CEP41: variants seen among roughly 807,000 people sequenced by gnomAD.
CEP41 encodes centrosomal protein 41.
CEP41 carries 32 observed loss-of-function variants against 44.3 expected under a neutral mutation model. The ratio of observed to expected loss-of-function variants is 0.72; its 90% CI spans 0.54 to 0.97. CEP41 has a LOEUF of 0.97. CEP41 is among the 50% of genes least tolerant of loss of function. The pLI is 0.00. For missense variants in CEP41, 432 were observed against 455.2 expected (o/e 0.95, Z 0.46); for synonymous variants, 151 against 168.5 (o/e 0.90, Z 0.80).
rs782252260 is a variant in CEP41 at position 130,396,498 on chromosome 7, T to C, written c.*2393A>G. The C allele has an allele frequency of 2.0e-5, 9 of 454,514 alleles. No homozygotes were observed. The highest frequency in any genetic ancestry group is 1.4e-4 in the South Asian group (9 of 64,474). The allele number at this position is 454,514 out of a possible 1,614,324, so 28.2% of individuals were successfully genotyped here. A position where few individuals can be genotyped will look rare whatever the true frequency, so the allele number is the denominator to read the frequency against. On this transcript the variant is annotated 3_prime_UTR_variant, in exon 11 of 11. Coordinates refer to ENST00000223208, the MANE Select transcript of CEP41 (RefSeq NM_018718.3). ...ATCTCGACAGAAAAGAAGAGAGAAG[T>C]TGGCAGTTTTCAGCATATTAATAGC... is the stretch of plus-strand genomic sequence containing the variant.
intron 9 of CEP41, 48 bp downstream of exon 9, chr7:130,400,659 A>C: frequency 8.9e-7 from 1 of 1,121,488 alleles, no homozygotes; most frequent in Non-Finnish European, 1.3e-6. Flanking sequence ...GGTGGGACTG[A>C]AGGATGATCA....
At chr7:130,439,212 G>C (rs1277881563) in intron 1 of CEP41, among the ~76,000 whole-genome samples, 3 of 152,072 alleles carry the variant, frequency 2.0e-5, no homozygotes, top group Admixed American at 6.5e-5. Flanking sequence ...TCTTCCTTAT[G>C]ATTTTCTTAA....
chr7:130,394,328 T>A lies in CEP41; in HGVS notation c.*4563A>T. On this transcript the variant is annotated 3_prime_UTR_variant, in exon 11 of 11. Coordinates refer to ENST00000223208, the MANE Select transcript of CEP41 (RefSeq NM_018718.3). ...CAGTCTCCTCATCTGAAAATGGGGG[T>A]GCCTGCCTCATCAGACTGTTGTGGA... The A allele has an allele frequency of 2.2e-6, 1 of 453,956 alleles. No homozygotes were observed. Among genetic ancestry groups the A allele is most frequent in the Non-Finnish European group, 4.4e-6 (1 of 226,768 alleles). The allele number at this position is 453,956 out of a possible 1,614,324, so 28.1% of individuals were successfully genotyped here.
chr7:130,425,786 C>T (rs1797643703), intron 2 of CEP41, among the ~76,000 whole-genome samples: 1 of 152,180 alleles, frequency 6.6e-6, no homozygotes, highest in African/African-American at 2.4e-5. Context: ...AAACTTGGTA[C>T]ATTCATATCA....
chr7:130,419,307 A>C, intron 2 of CEP41: 1 of 985,444 alleles, frequency 1.0e-6, no homozygotes, highest in Non-Finnish European at 1.2e-6. Context: ...CCTTGCTTTA[A>C]TTGGACAAAT....
intron 5 of CEP41, among the ~76,000 whole-genome samples, chr7:130,405,021 C>T (rs1796967430): frequency 6.6e-6 from 1 of 152,214 alleles, no homozygotes; most frequent in Non-Finnish European, 1.5e-5. Flanking sequence ...AGGGCTGTGG[C>T]ACCAAGCTTT....
intron 10 of CEP41, 119 bp from the exon 11 acceptor site, chr7:130,399,158 C>CT (rs781950940): frequency 7.8e-7 from 1 of 1,279,688 alleles, no homozygotes; most frequent in East Asian, 2.3e-5. Context: ...TAATGAAGTC[C>CT]TATGCAGTAT....
intron 7 of CEP41, 72 bp downstream of exon 7, chr7:130,402,576 C>T: frequency 6.5e-7 from 1 of 1,541,106 alleles, no homozygotes; most frequent in Non-Finnish European, 9.0e-7. Flanking sequence ...GCTGTGGTTC[C>T]AGCCTGCCTA....
intron 3 of CEP41, among the ~76,000 whole-genome samples, chr7:130,415,096 T>C (rs1280341709): frequency 6.6e-6 from 1 of 152,172 alleles, no homozygotes; most frequent in South Asian, 2.1e-4. Context: ...TTTCCCCAGG[T>C]AGAGTTGAAA....
At position 130,399,921 on chromosome 7, in the gene CEP41, G is replaced by C. The variant is rs574113666; in HGVS notation, c.973+118C>G. On this transcript the variant is annotated intron_variant, in intron 10 of 10. Coordinates refer to ENST00000223208, the MANE Select transcript of CEP41 (RefSeq NM_018718.3). ...CCACTGCCTCCCCTCCCCAGCACCT[G>C]TAACATACCTCCCTAGTATTTTAAG... 7.2e-6 allele frequency: 6 copies of C among 838,646 alleles called. No homozygotes were observed. In the African/African-American group the frequency reaches 1.0e-4, roughly 14 times the overall value. The allele number at this position is 838,646 out of a possible 1,614,324, so 52.0% of individuals were successfully genotyped here. A position where few individuals can be genotyped will look rare whatever the true frequency, so the allele number is the denominator to read the frequency against.
At chr7:130,416,468 C>T (rs141701046) in intron 3 of CEP41, among the ~76,000 whole-genome samples, 2,100 of 152,296 alleles carry the variant, frequency 0.014, 23 homozygotes, top group Non-Finnish European at 0.018. Flanking sequence ...TAATGCATAA[C>T]ACTAAGTTCT....
intron 2 of CEP41, chr7:130,422,090 G>T: frequency 6.7e-7 from 1 of 1,491,966 alleles, no homozygotes; most frequent in Non-Finnish European, 9.0e-7. Context: ...GAGTTCATAT[G>T]AGAAGCAGAG....
intron 1 of CEP41, among the ~76,000 whole-genome samples, chr7:130,439,944 C>T (rs542526345): frequency 2.0e-5 from 3 of 152,194 alleles, no homozygotes; most frequent in Admixed American, 6.5e-5. Flanking sequence ...CCTATTTTCT[C>T]GTAACATCTT....
At chr7:130,432,840 A>G (rs1370848526) in intron 1 of CEP41, among the ~76,000 whole-genome samples, 3 of 152,148 alleles carry the variant, frequency 2.0e-5, no homozygotes, top group Non-Finnish European at 4.4e-5. Flanking sequence ...TGGGCTAGAA[A>G]AAAACAAGAT....
rs190680511 is a variant in CEP41, at chr7:130,404,557, C to T, written c.422+7G>A. 144 of 1,612,990 alleles carry T rather than the reference C, an allele frequency of 8.9e-5. 1 individual carries two copies. The highest frequency in any genetic ancestry group is 8.7e-4 in the African/African-American group (65 of 74,998). ...ATGCAGTGAAAATATGAATCAGCTT[C>T]GAGTACCTCTGAAGAGTTGAGCGGC... On this transcript the variant is annotated splice_region_variant and intron_variant, in intron 6 of 10. Transcript: ENST00000223208.
At chr7:130,426,629 C>T (rs560338141) in intron 2 of CEP41, 2 of 455,848 alleles carry the variant, frequency 4.4e-6, no homozygotes, top group East Asian at 7.0e-5. Context: ...AGGTGCTTAC[C>T]TCACAGAATC....
In CEP41 at chr7:130,397,416, GAA is replaced by G. The variant is rs1217720654; in HGVS notation, c.*1473_*1474del. Reference sequence around the variant, plus strand: ...TCTAAAACAGAACTGGGCTGAATCTGAAAGTTATTTTTCCATATGTCTCTATG... The same window carrying G: ...TCTAAAACAGAACTGGGCTGAATCTGAGTTATTTTTCCATATGTCTCTATG... On this transcript the variant is annotated 3_prime_UTR_variant, in exon 11 of 11. Coordinates refer to ENST00000223208, the MANE Select transcript of CEP41 (RefSeq NM_018718.3). 2 of 445,520 alleles carry G rather than the reference GAA, an allele frequency of 4.5e-6. No individual in the cohort carries two copies. Among genetic ancestry groups the G allele is most frequent in the East Asian group, 7.0e-5 (1 of 14,212 alleles). 27.6% of individuals were successfully genotyped at this position (445,520 alleles called of 1,614,324 possible).
rs1156468685 is a variant in CEP41 at position 130,400,264 on chromosome 7, G to GA, written c.758-11dup. 2.9e-5 allele frequency: 47 copies of GA among 1,601,026 alleles called. No homozygotes were observed. The highest frequency in any genetic ancestry group is 4.0e-5 in the African/African-American group (3 of 74,664). On this transcript the variant is annotated splice_polypyrimidine_tract_variant and intron_variant, in intron 9 of 10. Coordinates refer to ENST00000223208, the MANE Select transcript of CEP41 (RefSeq NM_018718.3). ...GCTAAGACTTTTAGACCTAGGTTTG[G>GA]AAAATCATCAGAAAAAGCTGCATTA... is the stretch of plus-strand genomic sequence containing the variant.
At chr7:130,411,301 T>C in intron 4 of CEP41, 110 bp from the exon 5 acceptor site, 1 of 888,468 alleles carries the variant, frequency 1.1e-6, no homozygotes, top group Non-Finnish European at 1.8e-6. Flanking sequence ...TCTGTTGTTT[T>C]AAGAAGCTGT....
Sources: gnomAD v4.1 joint callset for allele counts (sites outside exome capture counted in the v4.1 genomes callset) on GRCh38, gnomAD v4.1.1 for gene constraint, MANE v1.5 for transcripts, NCBI Gene and HGNC (gene_info 2026-07-23, HGNC 2026-07-21) for gene names.